The following GOT1 variants were observed in gnomAD, a reference collection of about 807,000 sequenced individuals.
GOT1 encodes glutamic-oxaloacetic transaminase 1.
GOT1 carries 25 observed loss-of-function variants against 48.2 expected under a neutral mutation model. The ratio of observed to expected loss-of-function variants is 0.52; its 90% CI spans 0.38 to 0.72. The LOEUF (loss-of-function observed/expected upper bound fraction) is 0.72, where lower values mean the gene tolerates loss of function less well. Ranked by LOEUF, GOT1 falls within the 30% of genes least tolerant of loss-of-function variation. The pLI is 0.00. For missense variants in GOT1, 380 were observed against 520.1 expected, an observed-to-expected ratio of 0.73 and a Z score of 2.62; for synonymous variants, 188 against 193.8, an observed-to-expected ratio of 0.97 and a Z score of 0.25.
chr10:99,425,574 G>A (rs1759686985), intron 1 of GOT1, among the ~76,000 whole-genome samples: 1 of 152,190 alleles, frequency 6.6e-6, no homozygotes, highest in South Asian at 2.1e-4. Context: ...CAGCAGGGAT[G>A]AAGAAAAGGG....
rs969037053 is a variant in GOT1 at position 99,396,896 on chromosome 10, T to C, written c.*651A>G. 1.3e-5 allele frequency: 2 copies of C among 152,252 alleles called. No homozygotes were observed. The highest frequency in any genetic ancestry group is 4.8e-5 in the African/African-American group (2 of 41,456). 9.4% of individuals were successfully genotyped at this position (152,252 alleles called of 1,614,324 possible). ...CTTGATCAACATTTTTATTTTATTT[T>C]TTTAGGTGAAGTAGAACACAATAGA... On this transcript the variant is annotated 3_prime_UTR_variant, in exon 9 of 9. Transcript: ENST00000370508.
intron 5 of GOT1, among the ~76,000 whole-genome samples, chr10:99,405,254 C>T (rs1040874667): frequency 1.2e-4 from 18 of 151,964 alleles, no homozygotes; most frequent in African/African-American, 3.4e-4. Context: ...TAGAAAGTTA[C>T]GCCAAAGAAA....
At chr10:99,412,087 T>G (rs1249636715) in intron 2 of GOT1, among the ~76,000 whole-genome samples, 1 of 152,140 alleles carries the variant, frequency 6.6e-6, no homozygotes, top group Admixed American at 6.5e-5. Flanking sequence ...AGGTGGGGAC[T>G]GGACAGCTAG....
At chr10:99,430,343 A>C in intron 1 of GOT1, 105 bp downstream of exon 1, 2 of 1,606,266 alleles carry the variant, frequency 1.2e-6, no homozygotes, top group Non-Finnish European at 8.5e-7. Flanking sequence ...CGCCCTCTTC[A>C]GGCAGCGCCA....
intron 2 of GOT1, among the ~76,000 whole-genome samples, chr10:99,408,655 G>A (rs2032792038): frequency 6.6e-6 from 1 of 152,114 alleles, no homozygotes. Context: ...GGAGGCAGAG[G>A]TTGCAGTGAG....
intron 3 of GOT1, 82 bp downstream of exon 3, chr10:99,406,644 A>C (rs2032760579): frequency 7.1e-7 from 1 of 1,410,340 alleles, no homozygotes; most frequent in Non-Finnish European, 9.9e-7. Flanking sequence ...GCTGGATTAC[A>C]TTTTCTGTGT....
intron 2 of GOT1, among the ~76,000 whole-genome samples, chr10:99,414,003 C>A (rs1202257593): frequency 2.0e-5 from 3 of 152,140 alleles, no homozygotes; most frequent in Non-Finnish European, 4.4e-5. Context: ...ATTGTAAAGA[C>A]CATCGAGGCT....
chr10:99,429,349 AC>A (rs1456900763), intron 1 of GOT1, among the ~76,000 whole-genome samples: 1 of 137,804 alleles, frequency 7.3e-6, no homozygotes, highest in Non-Finnish European at 1.5e-5. Flanking sequence ...CGCCCGGCCG[AC>A]TTTTTTTTTT....
intron 8 of GOT1, among the ~76,000 whole-genome samples, chr10:99,402,038 G>A (rs1384306161): frequency 6.6e-6 from 1 of 152,018 alleles, no homozygotes; most frequent in Non-Finnish European, 1.5e-5. Context: ...TTGATCTCCT[G>A]ATCTCGTGAT....
At chr10:99,412,336 G>A (rs1443330918) in intron 2 of GOT1, among the ~76,000 whole-genome samples, 13 of 151,830 alleles carry the variant, frequency 8.6e-5, no homozygotes, top group African/African-American at 9.7e-5. Flanking sequence ...AGCTATGGGC[G>A]GTGGGGGTGG....
Position 99,430,528 on chromosome 10 carries a change from G to A in GOT1, c.38C>T (p.Ala13Val), listed in dbSNP as rs1458717877. 1.9e-6 allele frequency: 3 copies of A among 1,609,608 alleles called. No individual in the cohort carries two copies. Among genetic ancestry groups the A allele is most frequent in the Non-Finnish European group, 2.5e-6 (3 of 1,177,480 alleles). Reference protein sequence around the residue: ...PPSVFAEVPQAQPVLVFKLTA... With the variant: ...PPSVFAEVPQVQPVLVFKLTA... ...GAGCTTGAAGACCAGGACAGGCTGG[G>A]CCTGCGGAACCTCGGCAAAGACTGA... The change falls in exon 1 of 9, where the codon GCC becomes GTC. Residue 13 changes from alanine to valine, a missense_variant. Transcript: ENST00000370508.
intron 1 of GOT1, among the ~76,000 whole-genome samples, chr10:99,427,232 T>G (rs1265272561): frequency 1.3e-5 from 2 of 152,142 alleles, no homozygotes; most frequent in African/African-American, 4.8e-5. Flanking sequence ...AATTGTGGAG[T>G]TGACTTTTAG....
chr10:99,427,516 G>A (rs1447970989), intron 1 of GOT1, among the ~76,000 whole-genome samples: 2 of 152,176 alleles, frequency 1.3e-5, no homozygotes, highest in African/African-American at 4.8e-5. Flanking sequence ...TGATCCGCCC[G>A]CCTCGGCCTC....
At chr10:99,401,840 C>T (rs1414173218) in intron 8 of GOT1, among the ~76,000 whole-genome samples, 1 of 151,370 alleles carries the variant, frequency 6.6e-6, no homozygotes, top group East Asian at 2.0e-4. Context: ...CGGAGTCTCG[C>T]TCTGTCGCCC....
intron 2 of GOT1, among the ~76,000 whole-genome samples, chr10:99,409,314 G>C (rs1312253700): frequency 2.0e-5 from 3 of 151,122 alleles, no homozygotes; most frequent in Non-Finnish European, 1.5e-5. Context: ...TGTGTTTTTA[G>C]TACAGATGGG....
chr10:99,405,758 T>G lies in GOT1; in HGVS notation c.640A>C (p.Lys214Gln). 6.6e-7 allele frequency: 1 copy of G among 1,516,014 alleles called. No individual in the cohort carries two copies. Among genetic ancestry groups the G allele is most frequent in the Non-Finnish European group, 9.2e-7 (1 of 1,090,514 alleles). The allele number at this position is 1,516,014 out of a possible 1,614,324, so 93.9% of individuals were successfully genotyped here. The change falls in exon 5 of 9, where the codon AAG becomes CAG. Residue 214 changes from lysine to glutamine, a missense_variant and splice_region_variant. Physicochemically the swap from Lys to Gln is moderately conservative, Grantham distance 53. Coordinates refer to ENST00000370508, the MANE Select transcript of GOT1 (RefSeq NM_002079.3). ...EQWKQIASVM[K>Q]HRFLFPFFDS... ...AGATGCTCTGAAGGGGCAGTTACCTTCATGACAGAAGCAATCTGCTTCCAC... is the reference window on the plus strand; with the variant it reads ...AGATGCTCTGAAGGGGCAGTTACCTGCATGACAGAAGCAATCTGCTTCCAC...
chr10:99,418,060 AAAT>A (rs1260884506), intron 2 of GOT1, among the ~76,000 whole-genome samples: 1 of 134,108 alleles, frequency 7.5e-6, no homozygotes, highest in Non-Finnish European at 1.7e-5. Context: ...TTAAAAAAAA[AAAT>A]ATATATATAT....
At chr10:99,414,346 C>A (rs894274960) in intron 2 of GOT1, among the ~76,000 whole-genome samples, 5 of 152,084 alleles carry the variant, frequency 3.3e-5, no homozygotes, top group Admixed American at 6.6e-5. Context: ...ATAAAGAAGG[C>A]CATTACATAA....
In GOT1 at chr10:99,420,707, G is replaced by A. The variant is rs2032954561; in HGVS notation, c.217C>T (p.Pro73Ser). 1.2e-6 allele frequency: 2 copies of A among 1,613,988 alleles called. No homozygotes were observed. The highest frequency in any genetic ancestry group is 1.7e-6 in the Non-Finnish European group (2 of 1,179,850). Residue 73 changes from proline (P) to serine (S), a missense_variant, in exon 2 of 9, where the codon CCA becomes TCA. By Grantham distance (74) the Pro-to-Ser change is moderately conservative (BLOSUM62 -1). Coordinates refer to ENST00000370508, the MANE Select transcript of GOT1 (RefSeq NM_002079.3). ...CGGAACTCAGCCAGGCCCAGGATTGGCAGATACTCGTGATTTAGGCTATTG... is the reference window on the plus strand; with the variant it reads ...CGGAACTCAGCCAGGCCCAGGATTGACAGATACTCGTGATTTAGGCTATTG... ...NDNSLNHEYL[P>S]ILGLAEFRSC... is the part of the protein sequence containing the mutation.
Sources: gnomAD v4.1 joint callset for allele counts (sites outside exome capture counted in the v4.1 genomes callset) on GRCh38, gnomAD v4.1.1 for gene constraint, MANE v1.5 for transcripts, NCBI Gene and HGNC (gene_info 2026-07-23, HGNC 2026-07-21) for gene names.